Variants in PTPRR observed in about 807,000 individuals in gnomAD.
PTPRR encodes the protein receptor-type tyrosine-protein phosphatase R.
Under a neutral mutation model 77.2 loss-of-function variants are expected in PTPRR, and 38 were observed. The ratio of observed to expected loss-of-function variants is 0.49; its 90% CI spans 0.38 to 0.65. PTPRR has a LOEUF of 0.65. PTPRR is among the 30% of genes least tolerant of loss of function. The pLI, the probability that PTPRR is intolerant of heterozygous loss-of-function variation, is 0.00. For missense variants in PTPRR, 744 were observed against 799.2 expected, an observed-to-expected ratio of 0.93 and a Z score of 0.83; for synonymous variants, 299 against 283.1, an observed-to-expected ratio of 1.06 and a Z score of -0.57.
chr12:70,840,706 A>G (rs938341460), intron 2 of PTPRR, among the ~76,000 whole-genome samples: 1 of 152,182 alleles, frequency 6.6e-6, no homozygotes, highest in African/African-American at 2.4e-5. Context: ...GAACACATTT[A>G]CTGCAAATTT....
chr12:70,658,673 A>G (rs1886669973), intron 12 of PTPRR, among the ~76,000 whole-genome samples: 1 of 151,988 alleles, frequency 6.6e-6, no homozygotes, highest in Middle Eastern at 3.4e-3. Context: ...AAAGATAGAG[A>G]GGTACCCTGG....
intron 6 of PTPRR, among the ~76,000 whole-genome samples, chr12:70,722,367 C>T (rs1223005400): frequency 6.6e-6 from 1 of 152,204 alleles, no homozygotes; most frequent in East Asian, 1.9e-4. Context: ...GTATGTTTCT[C>T]ATGATCTCTC....
intron 1 of PTPRR, among the ~76,000 whole-genome samples, chr12:70,915,028 A>G (rs1040875686): frequency 1.3e-5 from 2 of 152,166 alleles, no homozygotes; most frequent in South Asian, 2.1e-4. Context: ...CAAAAAATCA[A>G]TGACAAGCTG....
intron 6 of PTPRR, among the ~76,000 whole-genome samples, chr12:70,726,785 C>G (rs921003040): frequency 1.3e-5 from 2 of 151,952 alleles, no homozygotes; most frequent in Admixed American, 6.6e-5. Context: ...TACACCATGT[C>G]TCTGCTAAAA....
At chr12:70,837,610 C>CAT (rs1892326413) in intron 2 of PTPRR, among the ~76,000 whole-genome samples, 1 of 152,064 alleles carries the variant, frequency 6.6e-6, no homozygotes, top group African/African-American at 2.4e-5. Flanking sequence ...TAGGGTGAGA[C>CAT]ATATGGAAAG....
chr12:70,870,056 C>T (rs1892933910), intron 2 of PTPRR, among the ~76,000 whole-genome samples: 1 of 152,098 alleles, frequency 6.6e-6, no homozygotes, highest in African/African-American at 2.4e-5. Context: ...GGACCCATGC[C>T]ATGAATTTAA....
intron 2 of PTPRR, 96 bp from the exon 3 acceptor site, chr12:70,764,874 T>A: frequency 1.1e-6 from 1 of 904,622 alleles, no homozygotes; most frequent in Admixed American, 2.0e-5. Context: ...TTCACGACAT[T>A]CAGTTCTTGA....
chr12:70,761,605 G>T lies in PTPRR; in HGVS notation c.493C>A (p.Leu165Met). ...TTTCGGTTTATGGGAGACACAAACA[G>T]TTCAATACTGTTCTTCTTTCCCTAA... The part of the protein sequence containing the change: ...RLIGKKNSIE[L>M]FVSPINRKTG... The change falls in exon 4 of 14, where the codon CTG (leucine) becomes ATG (methionine). Residue 165 changes from leucine to methionine, a missense_variant. By Grantham distance (15) the Leu-to-Met change is conservative. Coordinates refer to ENST00000283228, the MANE Select transcript of PTPRR (RefSeq NM_002849.4). The T allele has an allele frequency of 6.3e-7, 1 of 1,590,610 alleles. No homozygotes were observed.
chr12:70,912,990 A>G (rs1024210646), intron 1 of PTPRR, among the ~76,000 whole-genome samples: 1 of 152,132 alleles, frequency 6.6e-6, no homozygotes, highest in African/African-American at 2.4e-5. Flanking sequence ...CTTTTAAAGG[A>G]AAAAATGGCT....
intron 2 of PTPRR, among the ~76,000 whole-genome samples, chr12:70,817,040 C>A (rs1002098614): frequency 1.3e-5 from 2 of 151,994 alleles, no homozygotes; most frequent in Non-Finnish European, 2.9e-5. Context: ...TATAGATCTC[C>A]AACACTACTA....
intron 2 of PTPRR, among the ~76,000 whole-genome samples, chr12:70,765,514 C>A (rs1295228010): frequency 6.6e-6 from 1 of 152,158 alleles, no homozygotes; most frequent in Non-Finnish European, 1.5e-5. Flanking sequence ...CGGGAAGCTC[C>A]AACTGGGTGG....
chr12:70,771,160 T>G (rs1890965283), intron 2 of PTPRR, among the ~76,000 whole-genome samples: 1 of 131,494 alleles, frequency 7.6e-6, no homozygotes, highest in Non-Finnish European at 1.6e-5. Context: ...ATAATAATAA[T>G]AAATTAAAAA....
At chr12:70,864,801 C>T (rs1217048673) in intron 2 of PTPRR, among the ~76,000 whole-genome samples, 5 of 152,008 alleles carry the variant, frequency 3.3e-5, no homozygotes, top group Middle Eastern at 3.2e-3. Context: ...TCACAAGATC[C>T]GATGATTTTG....
intron 2 of PTPRR, among the ~76,000 whole-genome samples, chr12:70,842,137 A>G (rs1892407927): frequency 6.6e-6 from 1 of 152,216 alleles, no homozygotes; most frequent in African/African-American, 2.4e-5. Flanking sequence ...ATGACTTTTT[A>G]TGCATGACTT....
intron 2 of PTPRR, among the ~76,000 whole-genome samples, chr12:70,769,911 A>G (rs1435227896): frequency 5.9e-5 from 9 of 152,024 alleles, no homozygotes; most frequent in African/African-American, 2.2e-4. Context: ...CAATGGGGAA[A>G]GATTCCCTAT....
chr12:70,874,907 T>C (rs7952792), intron 2 of PTPRR, among the ~76,000 whole-genome samples: 90,634 of 136,102 alleles, frequency 0.67, 30,487 homozygotes, highest in African/African-American at 0.81. Flanking sequence ...AGTGACAGAG[T>C]GAGACTCCAT....
intron 2 of PTPRR, among the ~76,000 whole-genome samples, chr12:70,862,539 A>G (rs912168405): frequency 4.4e-5 from 6 of 137,834 alleles, no homozygotes; most frequent in African/African-American, 1.6e-4. Context: ...GAATTGAACA[A>G]TGAGAACACA....
intron 2 of PTPRR, among the ~76,000 whole-genome samples, chr12:70,885,974 G>A (rs777254757): frequency 5.3e-5 from 8 of 152,126 alleles, no homozygotes; most frequent in Non-Finnish European, 7.3e-5. Context: ...TGGAGAGCAA[G>A]GCCTAATGAC....
intron 1 of PTPRR, among the ~76,000 whole-genome samples, chr12:70,917,917 C>A (rs973495344): frequency 5.3e-5 from 8 of 152,148 alleles, no homozygotes; most frequent in Non-Finnish European, 1.2e-4. Context: ...TGGGCGTAAC[C>A]AAAATGGATC....
Sources: gnomAD v4.1 joint callset for allele counts (sites outside exome capture counted in the v4.1 genomes callset) on GRCh38, gnomAD v4.1.1 for gene constraint, MANE v1.5 for transcripts, NCBI Gene and HGNC (gene_info 2026-07-23, HGNC 2026-07-21) for gene names.